LARP4: variants seen among roughly 807,000 people sequenced by gnomAD.
The protein encoded by LARP4 is La ribonucleoprotein 4, also known as la-related protein 4.
Under a neutral mutation model 92.9 loss-of-function variants are expected in LARP4, and 29 were observed. The ratio of observed to expected loss-of-function variants is 0.31; its 90% CI spans 0.23 to 0.43. LARP4 has a LOEUF of 0.43. Ranked by LOEUF, LARP4 falls within the 20% of genes least tolerant of loss-of-function variation. LARP4 has a pLI of 1.00. For missense variants in LARP4, 732 were observed against 860.0 expected, an observed-to-expected ratio of 0.85 and a Z score of 1.86; for synonymous variants, 279 against 284.1, an observed-to-expected ratio of 0.98 and a Z score of 0.18.
At chr12:50,432,478 A>G (rs906100225) in intron 4 of LARP4, among the ~76,000 whole-genome samples, 4 of 152,064 alleles carry the variant, frequency 2.6e-5, no homozygotes, top group African/African-American at 9.7e-5. Flanking sequence ...TGTCACCCTA[A>G]TCTTACAAAA....
intron 11 of LARP4, among the ~76,000 whole-genome samples, chr12:50,461,762 G>T (rs545473810): frequency 6.6e-6 from 1 of 152,166 alleles, no homozygotes; most frequent in South Asian, 2.1e-4. Context: ...TTCAAGACCA[G>T]CCTGGCCAAC....
chr12:50,455,035 G>A (rs1332613462), intron 10 of LARP4: 1 of 152,136 alleles, frequency 6.6e-6, no homozygotes, highest in African/African-American at 2.4e-5. Context: ...GCTAGTAATT[G>A]GTAGAGCTAA....
chr12:50,444,329 T>G (rs1435975225), intron 8 of LARP4, among the ~76,000 whole-genome samples: 1 of 152,342 alleles, frequency 6.6e-6, no homozygotes, highest in Non-Finnish European at 1.5e-5. Flanking sequence ...TTCTTATTTC[T>G]ATTGCTTTTG....
rs1414334138 is a variant in LARP4 at position 50,479,274 on chromosome 12, A to T, written c.*3410A>T. On this transcript the variant is annotated 3_prime_UTR_variant, in exon 16 of 16. Transcript: ENST00000398473. ...GCAATATATATATTAACCATATTTT[A>T]AAAGTACCAATTTTGTTTTTACAGA... 6.6e-6 allele frequency: 1 copy of T among 152,630 alleles called. No individual in the cohort carries two copies. Among genetic ancestry groups the T allele is most frequent in the Non-Finnish European group, 1.5e-5 (1 of 68,026 alleles). 9.5% of individuals were successfully genotyped at this position (152,630 alleles called of 1,614,324 possible).
chr12:50,413,650 T>C (rs1335630218), intron 1 of LARP4, among the ~76,000 whole-genome samples: 1 of 152,222 alleles, frequency 6.6e-6, no homozygotes, highest in African/African-American at 2.4e-5. Context: ...ACCACTGTTG[T>C]ACATGCAGTT....
chr12:50,424,472 C>A (rs1033230860), intron 1 of LARP4, among the ~76,000 whole-genome samples: 38 of 151,916 alleles, frequency 2.5e-4, no homozygotes, highest in African/African-American at 9.2e-4. Context: ...GATTCTCTTG[C>A]CTCAGCCTCC....
At chr12:50,402,280 A>G (rs1944004260) in intron 1 of LARP4, among the ~76,000 whole-genome samples, 1 of 152,170 alleles carries the variant, frequency 6.6e-6, no homozygotes, top group Non-Finnish European at 1.5e-5. Flanking sequence ...CTGCTACATT[A>G]GAGTGTATCT....
At chr12:50,435,439 GA>G in intron 4 of LARP4, 48 bp from the exon 5 acceptor site, 1 of 1,113,658 alleles carries the variant, frequency 9.0e-7, no homozygotes, top group Non-Finnish European at 1.3e-6. Flanking sequence ...CCTCTTGTTA[GA>G]TGCTTTTTAA....
chr12:50,457,251 G>T (rs60198651), intron 10 of LARP4, among the ~76,000 whole-genome samples: 15,151 of 146,044 alleles, frequency 0.1, 1,595 homozygotes, highest in East Asian at 0.45. Context: ...TTGTTGTCCA[G>T]GCTGGAGTGC....
chr12:50,418,808 T>C (rs1364245614), intron 1 of LARP4, among the ~76,000 whole-genome samples: 1 of 152,162 alleles, frequency 6.6e-6, no homozygotes, highest in Non-Finnish European at 1.5e-5. Flanking sequence ...AGCCTCAGTC[T>C]CCCAGACTCA....
intron 13 of LARP4, 128 bp downstream of exon 13, chr12:50,467,248 A>T: frequency 1.5e-6 from 1 of 656,834 alleles, no homozygotes; most frequent in African/African-American, 1.8e-5. Flanking sequence ...TGGAGTTTTC[A>T]GCATACTTAG....
chr12:50,441,581 T>C lies in LARP4; in HGVS notation c.751-9T>C, dbSNP rs1951212623. On this transcript the variant is annotated splice_polypyrimidine_tract_variant and intron_variant, in intron 7 of 15. Coordinates refer to ENST00000398473, the MANE Select transcript of LARP4 (RefSeq NM_052879.5). ...GCTAATGAAAGTTTTTTTTGTGCTT[T>C]GTTAACAGGCTTTTAAATACTTAAG... 1 of 1,579,178 alleles carries C rather than the reference T, an allele frequency of 6.3e-7. No homozygotes were observed. Among genetic ancestry groups the C allele is most frequent in the Admixed American group, 2.0e-5 (1 of 50,644 alleles).
At chr12:50,446,709 G>A (rs1056328748) in intron 8 of LARP4, among the ~76,000 whole-genome samples, 5 of 151,760 alleles carry the variant, frequency 3.3e-5, no homozygotes, top group Non-Finnish European at 7.4e-5. Context: ...TTGGAGGCGT[G>A]AGCCACCACA....
At chr12:50,403,276 G>A (rs1329360398) in intron 1 of LARP4, among the ~76,000 whole-genome samples, 2 of 152,162 alleles carry the variant, frequency 1.3e-5, no homozygotes, top group Non-Finnish European at 2.9e-5. Context: ...AAAAATTTGC[G>A]TGTTTATTTT....
rs1169785464 is a variant in LARP4, at chr12:50,477,103, C to T, written c.*1239C>T. On this transcript the variant is annotated 3_prime_UTR_variant, in exon 16 of 16. Transcript: ENST00000398473. ...CCTTCCTTCCCTCCTCTTCTCCCCC[C>T]ACACCCAACAAAATACAGTTTGGAA... The T allele has an allele frequency of 6.6e-6, 1 of 152,500 alleles. No homozygotes were observed. The highest frequency in any genetic ancestry group is 2.4e-5 in the African/African-American group (1 of 41,416). The allele number at this position is 152,500 out of a possible 1,614,324, so 9.4% of individuals were successfully genotyped here. A position where few individuals can be genotyped will look rare whatever the true frequency, so the allele number is the denominator to read the frequency against.
In LARP4 at chr12:50,465,840, G is replaced by A. The variant is rs142328371; in HGVS notation, c.1384-1119G>A. ...GATATACCGCCATCACCACCAAAAA[G>A]CAAAACAGGTTGTTTTAACAGTTGC... On this transcript the variant is annotated intron_variant, in intron 12 of 15. Coordinates refer to ENST00000398473, the MANE Select transcript of LARP4 (RefSeq NM_052879.5). Among the ~76,000 whole-genome samples, 223 of 152,242 alleles carry A rather than the reference G, an allele frequency of 1.5e-3. 2 individuals are homozygous for A. Among genetic ancestry groups the A allele is most frequent in the Admixed American group, 4.3e-3 (66 of 15,288 alleles).
At chr12:50,446,253 A>T (rs1310150292) in intron 8 of LARP4, among the ~76,000 whole-genome samples, 1 of 138,288 alleles carries the variant, frequency 7.2e-6, no homozygotes, top group Non-Finnish European at 1.5e-5. Flanking sequence ...TGATCTGCCC[A>T]CCTCAGCCTC....
intron 5 of LARP4, among the ~76,000 whole-genome samples, chr12:50,436,315 C>A (rs1283173321): frequency 4.0e-5 from 6 of 151,880 alleles, no homozygotes; most frequent in Non-Finnish European, 8.8e-5. Flanking sequence ...CCACCCCCGG[C>A]CTATATACAG....
chr12:50,432,860 CAAAAAA>C (rs10660517), intron 4 of LARP4, among the ~76,000 whole-genome samples: 25 of 124,416 alleles, frequency 2.0e-4, no homozygotes, highest in African/African-American at 7.2e-4. Context: ...GACTTCGTTT[CAAAAAA>C]AAAAAAAAAA....
Sources: allele counts gnomAD v4.1 joint callset (sites outside exome capture counted in the v4.1 genomes callset), GRCh38; gene constraint gnomAD v4.1.1; transcripts MANE v1.5; gene names NCBI Gene and HGNC (gene_info 2026-07-23, HGNC 2026-07-21).